PDLIM5: variants seen among roughly 807,000 people sequenced by gnomAD.
The protein encoded by PDLIM5 is PDZ and LIM domain protein 5.
Under a neutral mutation model 64.2 loss-of-function variants are expected in PDLIM5, and 34 were observed. The ratio of observed to expected loss-of-function variants is 0.53; its 90% CI spans 0.40 to 0.71. The LOEUF (loss-of-function observed/expected upper bound fraction) is 0.71. Among genes scored for constraint, PDLIM5 ranks in the 30% least tolerant of loss-of-function variants. The pLI is 0.00. For missense variants in PDLIM5, 683 were observed against 733.6 expected, an observed-to-expected ratio of 0.93 and a Z score of 0.80; for synonymous variants, 253 against 269.1, an observed-to-expected ratio of 0.94 and a Z score of 0.59.
chr4:94,566,728 C>G (rs1002788554), intron 3 of PDLIM5, among the ~76,000 whole-genome samples: 2 of 152,158 alleles, frequency 1.3e-5, no homozygotes, highest in Non-Finnish European at 2.9e-5. Context: ...AAGGCGGGAA[C>G]TCTGTCTCTT....
intron 3 of PDLIM5, among the ~76,000 whole-genome samples, chr4:94,572,429 C>T (rs1578399638): frequency 6.6e-6 from 1 of 152,146 alleles, no homozygotes; most frequent in Non-Finnish European, 1.5e-5. Flanking sequence ...AATTTACCTA[C>T]ACTTCTTTTG....
chr4:94,495,046 G>A (rs781548058), intron 2 of PDLIM5, among the ~76,000 whole-genome samples: 3 of 152,152 alleles, frequency 2.0e-5, no homozygotes, highest in East Asian at 3.9e-4. Context: ...TGCCCGGCCC[G>A]ACCATGTTTT....
intron 2 of PDLIM5, among the ~76,000 whole-genome samples, chr4:94,486,549 C>A (rs1726354958): frequency 6.6e-6 from 1 of 152,112 alleles, no homozygotes; most frequent in Non-Finnish European, 1.5e-5. Context: ...AGGAGATTTG[C>A]CTTTGTAGAC....
chr4:94,575,647 C>A lies in PDLIM5; in HGVS notation c.323C>A (p.Pro108His). Residue 108 changes from proline to histidine, a missense_variant, in exon 5 of 13, where the codon CCC (proline) becomes CAC (histidine). Pro to His is a moderately conservative substitution (Grantham distance 77). Coordinates refer to ENST00000317968, the MANE Select transcript of PDLIM5 (RefSeq NM_006457.5). ...GEPKEVVKPV[P>H]ITSPAVSKVT... is the part of the protein sequence containing the mutation. ...CCTAAAGAAGTAGTTAAACCTGTGC[C>A]CATTACATCTCCTGCTGTGTCCAAA... 1 of 1,600,402 alleles carries A rather than the reference C, an allele frequency of 6.2e-7. No individual in the cohort carries two copies. The highest frequency in any genetic ancestry group is 8.5e-7 in the Non-Finnish European group (1 of 1,171,136).
intron 2 of PDLIM5, among the ~76,000 whole-genome samples, chr4:94,521,768 C>T (rs1319264633): frequency 6.6e-6 from 1 of 151,634 alleles, no homozygotes; most frequent in Non-Finnish European, 1.5e-5. Context: ...GAACAAATGC[C>T]CATAGATTTC....
rs1553940971 is a variant in PDLIM5 at position 94,494,432 on chromosome 4, G to GGTTTTTTTTTTTTTTTTTTTT, written c.97-29292_97-29291insGTTTTTTTTTTTTTTTTTTTT. On this transcript the variant is annotated intron_variant, in intron 2 of 12. Coordinates refer to ENST00000317968, the MANE Select transcript of PDLIM5 (RefSeq NM_006457.5). The stretch of plus-strand genomic sequence containing the variant: ...AGCATTCACTAATTTTTTTTTTCTT[G>GGTTTTTTTTTTTTTTTTTTTT]TTTTTTTTTTTTTTTTTTTTTTTTG... 2.4e-3 allele frequency among the ~76,000 whole-genome samples: 168 copies of GGTTTTTTTTTTTTTTTTTTTT among 70,762 alleles called. 33 individuals carry two copies. The highest frequency in any genetic ancestry group is 6.5e-3 in the South Asian group (7 of 1,074). 46.4% of individuals were successfully genotyped at this position (70,762 alleles called of 152,430 possible). A position where few individuals can be genotyped will look rare whatever the true frequency, so the allele number is the denominator to read the frequency against.
At chr4:94,487,545 G>A (rs891544552) in intron 2 of PDLIM5, among the ~76,000 whole-genome samples, 1 of 152,150 alleles carries the variant, frequency 6.6e-6, no homozygotes, top group African/African-American at 2.4e-5. Flanking sequence ...TCCTTAAGAG[G>A]TGAAAGGCAT....
chr4:94,467,123 G>A (rs773903491), intron 2 of PDLIM5, among the ~76,000 whole-genome samples: 5 of 152,150 alleles, frequency 3.3e-5, no homozygotes, highest in Non-Finnish European at 7.3e-5. Context: ...TAGATCATGA[G>A]CCTCTCTTAT....
Position 94,506,337 on chromosome 4 carries a change from T to C in PDLIM5, c.97-17387T>C, listed in dbSNP as rs530121132. ...TGTTCTTGATGTCTCAGCTAAATGATTGACAAAATACCTTAGACTGGGTAA... is the reference window on the plus strand; with the variant it reads ...TGTTCTTGATGTCTCAGCTAAATGACTGACAAAATACCTTAGACTGGGTAA... On this transcript the variant is annotated intron_variant, in intron 2 of 12. Transcript: ENST00000317968. 2.0e-5 allele frequency among the ~76,000 whole-genome samples: 3 copies of C among 152,338 alleles called. No individual in the cohort carries two copies. In the South Asian group the frequency reaches 6.2e-4, roughly 32 times the overall value.
chr4:94,517,356 C>T (rs1470759704), intron 2 of PDLIM5, among the ~76,000 whole-genome samples: 1 of 152,084 alleles, frequency 6.6e-6, no homozygotes, highest in Non-Finnish European at 1.5e-5. Context: ...AACTGTCAAC[C>T]ATAGTCTTAT....
At chr4:94,597,158 A>G (rs2110341638) in intron 7 of PDLIM5, among the ~76,000 whole-genome samples, 1 of 152,276 alleles carries the variant, frequency 6.6e-6, no homozygotes, top group East Asian at 1.9e-4. Flanking sequence ...AATTTATAAG[A>G]AGAAAAAAAT....
chr4:94,651,264 C>T (rs1188238427), intron 9 of PDLIM5, among the ~76,000 whole-genome samples: 1 of 152,146 alleles, frequency 6.6e-6, no homozygotes, highest in African/African-American at 2.4e-5. Context: ...CCAGTAGTTG[C>T]CCTGAGCATG....
chr4:94,505,892 G>A (rs1380576050), intron 2 of PDLIM5, among the ~76,000 whole-genome samples: 1 of 152,100 alleles, frequency 6.6e-6, no homozygotes, highest in Non-Finnish European at 1.5e-5. Flanking sequence ...ATGTAGTTAT[G>A]ATTGCTTACG....
intron 8 of PDLIM5, among the ~76,000 whole-genome samples, chr4:94,625,507 C>T (rs1027450070): frequency 1.4e-4 from 21 of 150,472 alleles, no homozygotes; most frequent in Admixed American, 1.3e-3. Context: ...GGCTGGAGTG[C>T]AGTGGCGCTA....
At chr4:94,552,749 C>A (rs1160917779) in intron 3 of PDLIM5, among the ~76,000 whole-genome samples, 1 of 151,678 alleles carries the variant, frequency 6.6e-6, no homozygotes, top group Non-Finnish European at 1.5e-5. Context: ...GATCTTTTCC[C>A]CTTAGATTTT....
chr4:94,517,282 C>T (rs899378592), intron 2 of PDLIM5, among the ~76,000 whole-genome samples: 19 of 151,988 alleles, frequency 1.3e-4, no homozygotes, highest in South Asian at 6.2e-4. Context: ...GGGGTGGTGA[C>T]GCAAAAAGTC....
intron 4 of PDLIM5, 157 bp downstream of exon 4, chr4:94,573,550 A>G: frequency 1.3e-6 from 1 of 760,618 alleles, no homozygotes; most frequent in Non-Finnish European, 2.4e-6. Context: ...GAGTAGGGAA[A>G]TGGAGATCAG....
intron 3 of PDLIM5, among the ~76,000 whole-genome samples, chr4:94,524,717 A>G (rs1730187037): frequency 6.6e-6 from 1 of 152,180 alleles, no homozygotes; most frequent in Admixed American, 6.5e-5. Flanking sequence ...AACCTGCACC[A>G]AAATCATCTG....
chr4:94,462,013 G>A (rs764172055), intron 2 of PDLIM5, among the ~76,000 whole-genome samples: 23 of 152,082 alleles, frequency 1.5e-4, no homozygotes, highest in Non-Finnish European at 2.4e-4. Flanking sequence ...ACAAGCATTC[G>A]CCACCATGCC....
Sources: gnomAD v4.1 joint callset for allele counts (sites outside exome capture counted in the v4.1 genomes callset) on GRCh38, gnomAD v4.1.1 for gene constraint, MANE v1.5 for transcripts, NCBI Gene and HGNC (gene_info 2026-07-23, HGNC 2026-07-21) for gene names.